PCDHA12: variants seen among roughly 807,000 people sequenced by gnomAD.
PCDHA12 encodes the protein protocadherin alpha-12.
PCDHA12 carries 44 observed loss-of-function variants against 60.0 expected under a neutral mutation model. That is an observed-to-expected ratio of 0.73 (90% CI 0.58 to 0.94). The LOEUF (loss-of-function observed/expected upper bound fraction) is 0.94. Among genes scored for constraint, PCDHA12 ranks in the 40% least tolerant of loss-of-function variants. PCDHA12 has a pLI of 0.00. For missense variants in PCDHA12, 1,276 were observed against 1,239.7 expected (o/e 1.03, Z -0.44); for synonymous variants, 569 against 553.0 (o/e 1.03, Z -0.40).
chr5:140,876,998 C>T lies in PCDHA12; in HGVS notation c.1526C>T (p.Ser509Leu). ...GAGCACGCACTGTCGAGCTACGTGT[C>T]GGTGCACGCGGAGAGCGGCAAGGTG... ...VGEHALSSYV[S>L]VHAESGKVYA... The change falls in exon 1 of 4, where the codon TCG becomes TTG. Residue 509 changes from serine to leucine, a missense_variant. Transcript: ENST00000398631. 1 of 1,612,502 alleles carries T rather than the reference C, an allele frequency of 6.2e-7. No homozygotes were observed. The highest frequency in any genetic ancestry group is 1.1e-5 in the South Asian group (1 of 91,016).
chr5:140,984,325 G>C (rs2097097043), intron 3 of PCDHA12, among the ~76,000 whole-genome samples: 1 of 152,168 alleles, frequency 6.6e-6, no homozygotes, highest in Admixed American at 6.5e-5. Flanking sequence ...CTAGGCAAAT[G>C]TGGAATAGGA....
Position 140,993,262 on chromosome 5 carries a change from C to T in PCDHA12, c.2515+10699C>T, listed in dbSNP as rs75542242. ...CTGGGGATTTAGATATATAAATTAG[C>T]TTCTTTGGTCTTTTCTTGCCCAGGG... On this transcript the variant is annotated intron_variant, in intron 3 of 3. Transcript: ENST00000398631. Among the ~76,000 whole-genome samples the T allele has an allele frequency of 6.3e-3, 965 of 152,148 alleles. 15 individuals are homozygous for T. Among genetic ancestry groups the T allele is most frequent in the African/African-American group, 0.023 (934 of 41,492 alleles).
At chr5:140,961,591 T>C (rs1280839822) in intron 1 of PCDHA12, among the ~76,000 whole-genome samples, 1 of 152,190 alleles carries the variant, frequency 6.6e-6, no homozygotes, top group African/African-American at 2.4e-5. Flanking sequence ...ATTTTGGCAA[T>C]GATTCTAGTA....
intron 1 of PCDHA12, chr5:140,968,646 C>T (rs2153772882): frequency 6.2e-7 from 1 of 1,614,216 alleles, no homozygotes; most frequent in Non-Finnish European, 8.5e-7. Context: ...CTAGCCCAGA[C>T]TTCTGACCTG....
intron 2 of PCDHA12, among the ~76,000 whole-genome samples, chr5:140,981,613 G>C (rs1279038280): frequency 6.6e-6 from 1 of 152,056 alleles, no homozygotes; most frequent in Non-Finnish European, 1.5e-5. Flanking sequence ...CTCTAATTTT[G>C]ATGAGGGTTT....
At chr5:140,930,013 G>A (rs2086530432) in intron 1 of PCDHA12, 1 of 152,118 alleles carries the variant, frequency 6.6e-6, no homozygotes, top group Admixed American at 6.5e-5. Context: ...ATAGCTGATA[G>A]CTCCATAGCA....
intron 1 of PCDHA12, chr5:140,883,045 A>G: frequency 1.2e-6 from 2 of 1,614,190 alleles, no homozygotes; most frequent in Non-Finnish European, 1.7e-6. Context: ...TCAATGGAAC[A>G]TTAGTGATCA....
chr5:140,986,737 G>A (rs1183806071), intron 3 of PCDHA12, among the ~76,000 whole-genome samples: 1 of 152,192 alleles, frequency 6.6e-6, no homozygotes, highest in African/African-American at 2.4e-5. Flanking sequence ...CAAGACCCCA[G>A]GGGATCTGGG....
chr5:141,010,373 G>A lies in PCDHA12; in HGVS notation c.*436G>A, dbSNP rs1554262916. 6.8e-7 allele frequency: 1 copy of A among 1,463,988 alleles called. No homozygotes were observed. Among genetic ancestry groups the A allele is most frequent in the Admixed American group, 2.4e-5 (1 of 41,618 alleles). The allele number at this position is 1,463,988 out of a possible 1,614,324, so 90.7% of individuals were successfully genotyped here. ...GTGTGGCTACCGCGGGTATGCGAGT[G>A]CCAGATATTGGCTGAGACGAGCCAG... On this transcript the variant is annotated 3_prime_UTR_variant, in exon 4 of 4. Coordinates refer to ENST00000398631, the MANE Select transcript of PCDHA12 (RefSeq NM_018903.4).
intron 1 of PCDHA12, among the ~76,000 whole-genome samples, chr5:140,896,201 C>G (rs1583224545): frequency 6.6e-6 from 1 of 152,344 alleles, no homozygotes; most frequent in African/African-American, 2.4e-5. Context: ...CCATGATGAA[C>G]ATACACATAC....
At chr5:140,969,529 T>G in intron 1 of PCDHA12, 7 of 1,377,800 alleles carry the variant, frequency 5.1e-6, no homozygotes, top group Non-Finnish European at 6.8e-6. Flanking sequence ...GTTTTATTTT[T>G]CATTTTCAGA....
intron 1 of PCDHA12, among the ~76,000 whole-genome samples, chr5:140,900,209 G>A (rs918328130): frequency 6.6e-6 from 1 of 152,146 alleles, no homozygotes; most frequent in Non-Finnish European, 1.5e-5. Context: ...GTTTCATCCA[G>A]GTTGTTGCAA....
intron 1 of PCDHA12, among the ~76,000 whole-genome samples, chr5:140,886,142 TA>T (rs1473876165): frequency 6.6e-6 from 1 of 152,180 alleles, no homozygotes; most frequent in African/African-American, 2.4e-5. Flanking sequence ...AGATTCTTGA[TA>T]TCACCTTTTT....
intron 1 of PCDHA12, among the ~76,000 whole-genome samples, chr5:140,932,902 T>C (rs1276238248): frequency 6.6e-6 from 1 of 152,002 alleles, no homozygotes; most frequent in Non-Finnish European, 1.5e-5. Context: ...AGGGAAACAA[T>C]AATATTTCAA....
At position 140,876,368 on chromosome 5, in the gene PCDHA12, CA is replaced by C; in HGVS notation, c.897del (p.Gly300ValfsTer44). 1 of 1,613,904 alleles carries C rather than the reference CA, an allele frequency of 6.2e-7. No individual in the cohort carries two copies. On this transcript the variant is annotated frameshift_variant, in exon 1 of 4. Transcript: ENST00000398631. LOFTEE classifies it high-confidence loss of function. The part of the protein sequence containing the change: ...EKCMFSINPD[T>X]GEIRIYGELD... ...TGTATGTTTTCAATAAATCCAGACA[CA>C]GGTGAAATTAGAATTTATGGTGAAC...
At chr5:141,008,435 G>C (rs2098377041) in intron 3 of PCDHA12, among the ~76,000 whole-genome samples, 1 of 152,160 alleles carries the variant, frequency 6.6e-6, no homozygotes, top group South Asian at 2.1e-4. Context: ...ACTTTGCCCA[G>C]ACAGACCATT....
intron 1 of PCDHA12, among the ~76,000 whole-genome samples, chr5:140,945,224 T>C (rs1563213002): frequency 6.6e-6 from 1 of 152,016 alleles, no homozygotes; most frequent in Non-Finnish European, 1.5e-5. Context: ...ATAAAAATAC[T>C]TAGGAATAAA....
At chr5:140,926,829 G>A in intron 1 of PCDHA12, 1 of 1,501,192 alleles carries the variant, frequency 6.7e-7, no homozygotes, top group Middle Eastern at 2.1e-4. Context: ...CCAGGAGTCC[G>A]GAGCATGGTC....
In PCDHA12 at chr5:140,926,298, C is replaced by G. The variant is rs1337047837; in HGVS notation, c.2367+48459C>G. 3.3e-5 allele frequency: 5 copies of G among 152,328 alleles called. No homozygotes were observed. In the East Asian group the frequency reaches 5.8e-4, roughly 18 times the overall value. The allele number at this position is 152,328 out of a possible 1,614,324, so 9.4% of individuals were successfully genotyped here. Reference sequence around the variant, plus strand: ...TCGGCAGCTCCACGCTGAGTCCCGCCCTCTCCGCCGGAGAGGTGCGCCGGG... The same window carrying G: ...TCGGCAGCTCCACGCTGAGTCCCGCGCTCTCCGCCGGAGAGGTGCGCCGGG... On this transcript the variant is annotated intron_variant, in intron 1 of 3. Coordinates refer to ENST00000398631, the MANE Select transcript of PCDHA12 (RefSeq NM_018903.4).
Sources: allele counts gnomAD v4.1 joint callset (sites outside exome capture counted in the v4.1 genomes callset), GRCh38; gene constraint gnomAD v4.1.1; transcripts MANE v1.5; gene names NCBI Gene and HGNC (gene_info 2026-07-23, HGNC 2026-07-21).